Variants in ARHGAP23 observed in about 807,000 individuals in gnomAD.
ARHGAP23 encodes rho GTPase-activating protein 23.
ARHGAP23 carries 34 observed loss-of-function variants against 136.3 expected under a neutral mutation model. The observed-to-expected ratio is 0.25, with a 90% CI of 0.19 to 0.33. The LOEUF is 0.33. Among genes scored for constraint, ARHGAP23 ranks in the 10% least tolerant of loss-of-function variants. The pLI, the probability that ARHGAP23 is intolerant of heterozygous loss-of-function variation, is 1.00. For missense variants in ARHGAP23, 1,808 were observed against 2,139.0 expected, an observed-to-expected ratio of 0.85 and a Z score of 3.05; for synonymous variants, 832 against 920.5, an observed-to-expected ratio of 0.90 and a Z score of 1.74.
chr17:38,497,927 T>C (rs2040429565), intron 21 of ARHGAP23, 101 bp downstream of exon 21: 1 of 1,266,890 alleles, frequency 7.9e-7, no homozygotes, highest in African/African-American at 1.5e-5. Context: ...GGGGAAGGTG[T>C]CTGTCCTTGA....
At position 38,510,983 on chromosome 17, in the gene ARHGAP23, C is replaced by T. The variant is rs2144836649; in HGVS notation, c.*11C>T. 2 of 1,415,632 alleles carry T rather than the reference C, an allele frequency of 1.4e-6. No individual in the cohort carries two copies. The highest frequency in any genetic ancestry group is 1.5e-5 in the African/African-American group (1 of 66,036). 87.7% of individuals were successfully genotyped at this position (1,415,632 alleles called of 1,614,324 possible). On this transcript the variant is annotated 3_prime_UTR_variant, in exon 24 of 24. Coordinates refer to ENST00000622683, the MANE Select transcript of ARHGAP23 (RefSeq NM_001199417.2). This position sits in a 1 kb window ranked among gnomAD's most constrained non-coding sequence, Gnocchi z 4.6. ...CATCAGTGTCTGTGATCCCCACCTC[C>T]CGCGCCGCTCGGGCGCCACCCCTCC...
chr17:38,431,885 C>G (rs886245969), intron 1 of ARHGAP23, among the ~76,000 whole-genome samples: 3 of 152,234 alleles, frequency 2.0e-5, no homozygotes. Context: ...TCGTGGCCCC[C>G]CTCAGTGCAG....
intron 10 of ARHGAP23, 67 bp downstream of exon 10, chr17:38,469,971 T>C: frequency 6.6e-7 from 1 of 1,524,978 alleles, no homozygotes; most frequent in Non-Finnish European, 8.9e-7. Flanking sequence ...GTCAGGGAGG[T>C]GGGGCCACAG....
At position 38,510,191 on chromosome 17, in the gene ARHGAP23, C is replaced by G; in HGVS notation, c.3695C>G (p.Pro1232Arg). The G allele has an allele frequency of 7.4e-7, 1 of 1,351,456 alleles. No homozygotes were observed. Among genetic ancestry groups the G allele is most frequent in the Non-Finnish European group, 9.5e-7 (1 of 1,053,786 alleles). The allele number at this position is 1,351,456 out of a possible 1,614,324, so 83.7% of individuals were successfully genotyped here. A position where few individuals can be genotyped will look rare whatever the true frequency, so the allele number is the denominator to read the frequency against. ...GAGGCCCCCGGACGCCTCAGTCCCC[C>G]GGCGGCGCCGGAGGAGCGGCCGGCC... is the stretch of plus-strand genomic sequence containing the variant. ...APEAPGRLSP[P>R]AAPEERPAAD... The change falls in exon 24 of 24, where the codon CCG becomes CGG. Residue 1232 changes from proline to arginine, a missense_variant. Pro to Arg is a moderately radical substitution (Grantham distance 103). Around this residue, in one of 7 missense-constraint regions of ARHGAP23, gnomAD observed 506 missense variants for 455.8 expected, o/e 1.11. Coordinates refer to ENST00000622683, the MANE Select transcript of ARHGAP23 (RefSeq NM_001199417.2). The surrounding 1 kb of genome is among the most constrained non-coding windows in gnomAD (Gnocchi z 4.6).
intron 1 of ARHGAP23, among the ~76,000 whole-genome samples, chr17:38,456,151 T>C (rs529891729): frequency 1.8e-4 from 27 of 152,302 alleles, no homozygotes; most frequent in African/African-American, 5.3e-4. Flanking sequence ...CCTGGGGCTG[T>C]ATGAAGCAAG....
chr17:38,481,291 C>T (rs1212920037), intron 14 of ARHGAP23, among the ~76,000 whole-genome samples: 8 of 152,078 alleles, frequency 5.3e-5, no homozygotes, highest in African/African-American at 1.9e-4. Flanking sequence ...GGACTACAGG[C>T]GCCCACCACC....
chr17:38,487,550 A>G (rs2144740716), intron 17 of ARHGAP23, among the ~76,000 whole-genome samples: 3 of 152,256 alleles, frequency 2.0e-5, no homozygotes, highest in East Asian at 1.9e-4. Flanking sequence ...CATCCCCAAC[A>G]GCATTGGATA....
chr17:38,480,429 C>T (rs1274106399), intron 14 of ARHGAP23, among the ~76,000 whole-genome samples: 1 of 152,028 alleles, frequency 6.6e-6, no homozygotes, highest in African/African-American at 2.4e-5. Flanking sequence ...GTCAGGAGAT[C>T]GAGACCATCC....
At chr17:38,431,779 G>A (rs1399762466) in intron 1 of ARHGAP23, among the ~76,000 whole-genome samples, 2 of 152,164 alleles carry the variant, frequency 1.3e-5, no homozygotes, top group African/African-American at 2.4e-5. Context: ...ACAGACTGGG[G>A]AGTGCCCAAG....
At chr17:38,505,082 G>A (rs977519065) in intron 23 of ARHGAP23, among the ~76,000 whole-genome samples, 1 of 128,744 alleles carries the variant, frequency 7.8e-6, no homozygotes, top group Admixed American at 9.7e-5. Context: ...ACAGCTCACT[G>A]CAGCCTCTAA....
intron 1 of ARHGAP23, among the ~76,000 whole-genome samples, chr17:38,438,061 G>A (rs1295041150): frequency 6.6e-6 from 1 of 152,184 alleles, no homozygotes; most frequent in Non-Finnish European, 1.5e-5. Flanking sequence ...GGTGGCTCAC[G>A]CCTGTCATCC....
At chr17:38,501,943 T>G (rs2040531000) in intron 23 of ARHGAP23, among the ~76,000 whole-genome samples, 1 of 151,522 alleles carries the variant, frequency 6.6e-6, no homozygotes, top group African/African-American at 2.4e-5. Flanking sequence ...ATTTAAATAT[T>G]TGAATTATTT....
intron 23 of ARHGAP23, among the ~76,000 whole-genome samples, chr17:38,501,675 T>A (rs2040524871): frequency 6.6e-6 from 1 of 152,082 alleles, no homozygotes; most frequent in Non-Finnish European, 1.5e-5. Flanking sequence ...AATAGACCAA[T>A]TCTTTGAAAG....
intron 1 of ARHGAP23, 142 bp from the exon 2 acceptor site, chr17:38,457,960 T>C (rs2039367477): frequency 4.2e-6 from 4 of 951,124 alleles, no homozygotes; most frequent in Admixed American, 2.6e-5. Flanking sequence ...GAGGAGGTCA[T>C]GGGCAGGGAG....
intron 1 of ARHGAP23, among the ~76,000 whole-genome samples, chr17:38,421,427 G>C (rs1041428999): frequency 6.6e-6 from 1 of 152,168 alleles, no homozygotes; most frequent in Non-Finnish European, 1.5e-5. Context: ...GTTAACGCCC[G>C]GCTTTCTGGA....
At chr17:38,496,059 A>G (rs547825926) in intron 20 of ARHGAP23, among the ~76,000 whole-genome samples, 146 of 151,994 alleles carry the variant, frequency 9.6e-4, no homozygotes, top group Non-Finnish European at 1.9e-3. Flanking sequence ...AACCATGCCC[A>G]GCTAATTTTT....
intron 20 of ARHGAP23, among the ~76,000 whole-genome samples, chr17:38,496,427 T>TCAGGC (rs1361386070): frequency 6.6e-6 from 1 of 151,994 alleles, no homozygotes; most frequent in Non-Finnish European, 1.5e-5. Context: ...TGAGCTAGGA[T>TCAGGC]CAGGCCACAG....
At chr17:38,450,251 C>T (rs1231726469) in intron 1 of ARHGAP23, 1 of 152,212 alleles carries the variant, frequency 6.6e-6, no homozygotes, top group Non-Finnish European at 1.5e-5. Flanking sequence ...ATCTCAGCTC[C>T]TGGCCCACAG....
chr17:38,485,322 A>C (rs1275832583), intron 16 of ARHGAP23, among the ~76,000 whole-genome samples: 1 of 152,034 alleles, frequency 6.6e-6, no homozygotes, highest in Non-Finnish European at 1.5e-5. Flanking sequence ...TGGGGGACAA[A>C]ATTGCCTCCT....
Sources: allele counts gnomAD v4.1 joint callset (sites outside exome capture counted in the v4.1 genomes callset), GRCh38; gene constraint gnomAD v4.1.1; regional missense constraint gnomAD v4.1.1; non-coding constraint Gnocchi (gnomAD v3.1); transcripts MANE v1.5; gene names NCBI Gene and HGNC (gene_info 2026-07-23, HGNC 2026-07-21).